HEPHL1: variants seen among roughly 807,000 people sequenced by gnomAD.
HEPHL1 encodes the protein ferroxidase HEPHL1.
A neutral mutation model predicts 122.0 loss-of-function variants in HEPHL1; 123 were observed. The ratio of observed to expected loss-of-function variants is 1.01; its 90% CI spans 0.87 to 1.17. HEPHL1 has a LOEUF of 1.17. Ranked by LOEUF, HEPHL1 falls within the 50% of genes most tolerant of loss-of-function variation. The pLI, the probability that HEPHL1 is intolerant of heterozygous loss-of-function variation, is 0.00. For synonymous variants in HEPHL1, 527 were observed against 508.9 expected (o/e 1.04, Z -0.48); for missense variants, 1,452 against 1,430.5 (o/e 1.01, Z -0.24).
At position 94,101,319 on chromosome 11, in the gene HEPHL1, GC is replaced by G. The variant is rs1373343531; in HGVS notation, c.2562del (p.Met855Ter). ...EMDSGKQFQV[P>X]MTKPGEVKTY... ...TGGATAGTGGAAAGCAATTCCAAGT[GC>G]CCATGACAAAACCAGGTAAGTTGTG... On this transcript the variant is annotated frameshift_variant, in exon 14 of 20. Coordinates refer to ENST00000315765, the MANE Select transcript of HEPHL1 (RefSeq NM_001098672.2). LOFTEE classifies it high-confidence loss of function. The G allele has an allele frequency of 6.2e-7, 1 of 1,612,652 alleles. No individual in the cohort carries two copies. Among genetic ancestry groups the G allele is most frequent in the African/African-American group, 1.3e-5 (1 of 75,000 alleles).
intron 9 of HEPHL1, among the ~76,000 whole-genome samples, chr11:94,075,788 A>G (rs1252301353): frequency 6.6e-6 from 1 of 152,148 alleles, no homozygotes; most frequent in Non-Finnish European, 1.5e-5. Context: ...TTAAATCAGA[A>G]TCTCCAGATG....
intron 2 of HEPHL1, among the ~76,000 whole-genome samples, chr11:94,057,121 A>G (rs1945943975): frequency 6.6e-6 from 1 of 152,110 alleles, no homozygotes; most frequent in African/African-American, 2.4e-5. Flanking sequence ...TCAACCATTA[A>G]TCATATTGAT....
At position 94,039,262 on chromosome 11, in the gene HEPHL1, A is replaced by G. The variant is rs1052329584; in HGVS notation, c.171-6411A>G. Among the ~76,000 whole-genome samples the G allele has an allele frequency of 4.1e-5, 6 of 147,790 alleles. No individual in the cohort carries two copies. The East Asian group carries it at 1.2e-3, about 30-fold the overall frequency. On this transcript the variant is annotated intron_variant, in intron 1 of 19. Transcript: ENST00000315765. ...TACAAAGAGACTTAGACTCCCACAC[A>G]TTAATAATGGGAGACTTTAACACCT... is the stretch of plus-strand genomic sequence containing the variant.
In HEPHL1 at chr11:94,086,122, T is replaced by G; in HGVS notation, c.2013T>G (p.Thr671=). The G allele has an allele frequency of 6.2e-7, 1 of 1,612,628 alleles. No homozygotes were observed. Residue 671 remains threonine (T), a synonymous_variant, in exon 11 of 20, where the codon ACT becomes ACG. Transcript: ENST00000315765. Reference sequence around the variant, plus strand: ...GGAACACCATCCACCTACGAGGGACTCACCGAGACTCCCTGGCCCTGTTTC... The same window carrying G: ...GGAACACCATCCACCTACGAGGGACGCACCGAGACTCCCTGGCCCTGTTTC... ...FQGNTIHLRG[T]HRDSLALFPH...
At position 94,047,519 on chromosome 11, in the gene HEPHL1, T is replaced by G. The variant is rs189693793; in HGVS notation, c.415+1602T>G. 9.5e-4 allele frequency among the ~76,000 whole-genome samples: 144 copies of G among 152,330 alleles called. 1 individual carries two copies. The highest frequency in any genetic ancestry group is 6.8e-3 in the Middle Eastern group (2 of 294). On this transcript the variant is annotated intron_variant, in intron 2 of 19. Transcript: ENST00000315765. ...ATAATGGCCTCCAGCTTTATCCATG[T>G]CCCTGCAAAGGACATCATCTCATTC...
intron 1 of HEPHL1, among the ~76,000 whole-genome samples, chr11:94,044,039 G>A (rs1591466804): frequency 6.6e-6 from 1 of 151,914 alleles, no homozygotes; most frequent in Non-Finnish European, 1.5e-5. Flanking sequence ...CATTGGGATG[G>A]CTGCACCCAG....
Position 94,029,022 on chromosome 11 carries a change from T to A in HEPHL1, c.170+7484T>A, listed in dbSNP as rs1157439511. Among the ~76,000 whole-genome samples, 11 of 152,314 alleles carry A rather than the reference T, an allele frequency of 7.2e-5. No individual in the cohort carries two copies. In the East Asian group the frequency reaches 1.5e-3, roughly 21 times the overall value. ...TCCTATTAGTTAAAAAAGTATAGGA[T>A]CTCACTGTATTGCCCAGGCTAGTCT... On this transcript the variant is annotated intron_variant, in intron 1 of 19. Coordinates refer to ENST00000315765, the MANE Select transcript of HEPHL1 (RefSeq NM_001098672.2).
At chr11:94,062,825 T>C (rs908018293) in intron 2 of HEPHL1, among the ~76,000 whole-genome samples, 12 of 152,204 alleles carry the variant, frequency 7.9e-5, no homozygotes, top group African/African-American at 2.2e-4. Flanking sequence ...ATGTGCCATC[T>C]TGGTTTATGA....
At chr11:94,062,763 C>T (rs1945997001) in intron 2 of HEPHL1, among the ~76,000 whole-genome samples, 1 of 152,008 alleles carries the variant, frequency 6.6e-6, no homozygotes, top group African/African-American at 2.4e-5. Context: ...TCCTTTTAGC[C>T]AGGTGGTTTT....
At chr11:94,106,280 G>T in intron 17 of HEPHL1, 150 bp downstream of exon 17, 1 of 525,638 alleles carries the variant, frequency 1.9e-6, no homozygotes, top group South Asian at 6.3e-5. Flanking sequence ...TTTCCCTGGT[G>T]GATATTTCTT....
intron 8 of HEPHL1, among the ~76,000 whole-genome samples, chr11:94,074,494 T>C (rs1016113880): frequency 4.6e-5 from 7 of 152,088 alleles, no homozygotes; most frequent in East Asian, 1.9e-4. Context: ...ACACTAGAAC[T>C]GACAAAATGT....
chr11:94,075,475 A>C, intron 9 of HEPHL1, 90 bp downstream of exon 9: 1 of 924,288 alleles, frequency 1.1e-6, no homozygotes, highest in Non-Finnish European at 1.7e-6. Context: ...AGTCAGTTAC[A>C]AAAAGCAATT....
In HEPHL1 at chr11:94,079,974, G is replaced by T. The variant is rs145803113; in HGVS notation, c.1717-2444G>T. ...AAAATTCATATGGAACCAAAAAGGA[G>T]CCCATATAGCCAAGGCAATCCTAAG... is the stretch of plus-strand genomic sequence containing the variant. On this transcript the variant is annotated intron_variant, in intron 9 of 19. Coordinates refer to ENST00000315765, the MANE Select transcript of HEPHL1 (RefSeq NM_001098672.2). 1.5e-3 allele frequency among the ~76,000 whole-genome samples: 230 copies of T among 152,176 alleles called. 1 individual carries two copies. Among genetic ancestry groups the T allele is most frequent in the African/African-American group, 5.3e-3 (220 of 41,516 alleles).
At chr11:94,044,475 T>A (rs1230094966) in intron 1 of HEPHL1, among the ~76,000 whole-genome samples, 1 of 152,084 alleles carries the variant, frequency 6.6e-6, no homozygotes, top group Non-Finnish European at 1.5e-5. Context: ...CCTCAGTGAG[T>A]CTCAGTGCTT....
intron 1 of HEPHL1, 108 bp downstream of exon 1, chr11:94,021,646 G>T (rs1314873059): frequency 1.2e-6 from 1 of 847,534 alleles, no homozygotes; most frequent in South Asian, 1.7e-5. Flanking sequence ...AGTTGATCTA[G>T]ACCAAGAGAA....
At chr11:94,098,690 T>A (rs1264769242) in intron 13 of HEPHL1, among the ~76,000 whole-genome samples, 1 of 152,230 alleles carries the variant, frequency 6.6e-6, no homozygotes, top group Non-Finnish European at 1.5e-5. Flanking sequence ...AGTCCTATAT[T>A]TCTTGGAGGC....
chr11:94,111,278 G>A (rs1436188673), intron 18 of HEPHL1, among the ~76,000 whole-genome samples: 2 of 152,148 alleles, frequency 1.3e-5, no homozygotes, highest in East Asian at 3.9e-4. Context: ...AGGAGTGAAT[G>A]GGTAACAGTT....
intron 1 of HEPHL1, among the ~76,000 whole-genome samples, chr11:94,023,630 T>C (rs1269142740): frequency 2.0e-5 from 3 of 152,212 alleles, no homozygotes; most frequent in Non-Finnish European, 2.9e-5. Flanking sequence ...GGTTTCAAAA[T>C]GCATGGTCCC....
At chr11:94,078,588 A>G (rs1452401534) in intron 9 of HEPHL1, among the ~76,000 whole-genome samples, 1 of 151,746 alleles carries the variant, frequency 6.6e-6, no homozygotes, top group Non-Finnish European at 1.5e-5. Context: ...AAGACCCAGG[A>G]GAGCCAATGG....
Sources: gnomAD v4.1 joint callset for allele counts (sites outside exome capture counted in the v4.1 genomes callset) on GRCh38, gnomAD v4.1.1 for gene constraint, MANE v1.5 for transcripts, NCBI Gene and HGNC (gene_info 2026-07-23, HGNC 2026-07-21) for gene names.